The following PAK5 variants were observed in gnomAD, a reference collection of about 807,000 sequenced individuals.
PAK5 encodes the protein serine/threonine-protein kinase PAK 5.
In PAK5, 16 loss-of-function variants were observed where a neutral mutation model predicts 65.9. The ratio of observed to expected loss-of-function variants is 0.24; its 90% CI spans 0.16 to 0.37. The LOEUF is 0.37. PAK5 is among the 10% of genes least tolerant of loss of function. The pLI, the probability that PAK5 is intolerant of heterozygous loss-of-function variation, is 1.00. For missense variants in PAK5, 785 were observed against 903.9 expected (o/e 0.87, Z 1.69); for synonymous variants, 371 against 354.9 (o/e 1.05, Z -0.51).
chr20:9,786,467 C>T (rs936635589), intron 1 of PAK5, among the ~76,000 whole-genome samples: 2 of 152,014 alleles, frequency 1.3e-5, no homozygotes, highest in East Asian at 3.9e-4. Context: ...CAAACACTTT[C>T]CCCTTTCTCA....
intron 1 of PAK5, among the ~76,000 whole-genome samples, chr20:9,784,862 C>A (rs543550987): frequency 6.6e-6 from 1 of 151,942 alleles, no homozygotes; most frequent in African/African-American, 2.4e-5. Flanking sequence ...CGCAGTCTGC[C>A]TTACCTAAGC....
At chr20:9,618,951 A>G (rs892040132) in intron 3 of PAK5, among the ~76,000 whole-genome samples, 6 of 28,452 alleles carry the variant, frequency 2.1e-4, no homozygotes, top group Non-Finnish European at 4.1e-4. Flanking sequence ...TTTTTTTTTA[A>G]TCTCACTGTT....
intron 3 of PAK5, among the ~76,000 whole-genome samples, chr20:9,615,886 A>G (rs576453459): frequency 3.8e-4 from 58 of 152,318 alleles, no homozygotes; most frequent in African/African-American, 1.3e-3. Context: ...GGAGCACCAC[A>G]TGAGGCCTCT....
chr20:9,565,595 G>C (rs188391922), intron 5 of PAK5, among the ~76,000 whole-genome samples: 44 of 152,292 alleles, frequency 2.9e-4, no homozygotes, highest in African/African-American at 9.4e-4. Flanking sequence ...CTCTTAACCT[G>C]AGTCCAGGTT....
chr20:9,618,915 GTTTTTTTTTTTTTTTTTTT>G (rs150725498), intron 3 of PAK5, among the ~76,000 whole-genome samples: 16 of 18,840 alleles, frequency 8.5e-4, no homozygotes, highest in East Asian at 2.2e-3. Context: ...TCTTTCTTTC[GTTTTTTTTTTTTTTTTTTT>G]TTTTTTTTTT....
At chr20:9,767,219 T>C (rs1486999019) in intron 1 of PAK5, among the ~76,000 whole-genome samples, 1 of 152,182 alleles carries the variant, frequency 6.6e-6, no homozygotes, top group African/African-American at 2.4e-5. Context: ...AGGCAGCCTT[T>C]GATATTGCAT....
chr20:9,705,658 A>C (rs867563124), intron 2 of PAK5, among the ~76,000 whole-genome samples: 1 of 152,124 alleles, frequency 6.6e-6, no homozygotes, highest in South Asian at 2.1e-4. Flanking sequence ...GGTTACCTAT[A>C]CATCTTATAT....
chr20:9,640,481 T>C (rs1350235834), intron 3 of PAK5, among the ~76,000 whole-genome samples: 1 of 152,276 alleles, frequency 6.6e-6, no homozygotes, highest in Non-Finnish European at 1.5e-5. Context: ...TTTGGGTTGG[T>C]TTCAAGTCTT....
At chr20:9,548,626 GCAAA>G (rs2122913132) in intron 7 of PAK5, among the ~76,000 whole-genome samples, 1 of 152,204 alleles carries the variant, frequency 6.6e-6, no homozygotes, top group East Asian at 1.9e-4. Flanking sequence ...TAAGAGTTGG[GCAAA>G]CAAACAGCAG....
chr20:9,655,844 G>C (rs1020287263), intron 2 of PAK5, among the ~76,000 whole-genome samples: 1 of 152,098 alleles, frequency 6.6e-6, no homozygotes, highest in Non-Finnish European at 1.5e-5. Context: ...GGTTTCTTCC[G>C]AGACTTCTCT....
At chr20:9,837,963 G>A (rs751780704) in intron 1 of PAK5, among the ~76,000 whole-genome samples, 8 of 152,098 alleles carry the variant, frequency 5.3e-5, no homozygotes, top group Non-Finnish European at 8.8e-5. Flanking sequence ...CGAGTTGAAA[G>A]CTCCATATAC....
At chr20:9,644,681 C>T (rs1382762875) in intron 2 of PAK5, among the ~76,000 whole-genome samples, 2 of 152,114 alleles carry the variant, frequency 1.3e-5, no homozygotes, top group East Asian at 3.9e-4. Context: ...TCCTTGTGCT[C>T]CTGTCACTTG....
At chr20:9,649,871 A>G (rs560369700) in intron 2 of PAK5, among the ~76,000 whole-genome samples, 1 of 152,296 alleles carries the variant, frequency 6.6e-6, no homozygotes, top group South Asian at 2.1e-4. Flanking sequence ...AAGGACTATT[A>G]TTATTTCTGC....
chr20:9,796,202 C>CA (rs903573132), intron 1 of PAK5, among the ~76,000 whole-genome samples: 12 of 151,740 alleles, frequency 7.9e-5, no homozygotes, highest in Non-Finnish European at 1.5e-4. Flanking sequence ...GACAGATAAG[C>CA]AAAAAAGCAA....
chr20:9,694,326 G>T lies in PAK5; in HGVS notation c.-12+16960C>A, dbSNP rs868224225. ...TGTTTGTGTGTGTGTGTGTTTGTGT[G>T]TGTGTGTGTGTGTGTGTGTATTTTA... On this transcript the variant is annotated intron_variant, in intron 2 of 9. Coordinates refer to ENST00000353224, the MANE Select transcript of PAK5 (RefSeq NM_177990.4). Among the ~76,000 whole-genome samples the T allele has an allele frequency of 1.6e-4, 22 of 138,684 alleles. No homozygotes were observed. In the East Asian group the frequency reaches 4.1e-3, roughly 26 times the overall value. 91.0% of individuals were successfully genotyped at this position (138,684 alleles called of 152,430 possible).
At chr20:9,554,287 A>G (rs991958978) in intron 7 of PAK5, among the ~76,000 whole-genome samples, 13 of 152,184 alleles carry the variant, frequency 8.5e-5, no homozygotes, top group Non-Finnish European at 1.5e-4. Context: ...TTTGATTCTG[A>G]GGCTAGGTTA....
At chr20:9,601,383 C>T (rs1474748296) in intron 3 of PAK5, among the ~76,000 whole-genome samples, 4 of 152,082 alleles carry the variant, frequency 2.6e-5, no homozygotes, top group Admixed American at 2.6e-4. Context: ...AGGGTTGGTT[C>T]TATAACAAGA....
chr20:9,686,934 T>C (rs1188691202), intron 2 of PAK5, among the ~76,000 whole-genome samples: 1 of 152,210 alleles, frequency 6.6e-6, no homozygotes, highest in Non-Finnish European at 1.5e-5. Context: ...AAGGGTGAGC[T>C]GGTGAGCCAG....
chr20:9,552,558 C>G (rs1209808014), intron 7 of PAK5, among the ~76,000 whole-genome samples: 4 of 152,140 alleles, frequency 2.6e-5, no homozygotes, highest in Middle Eastern at 3.2e-3. Flanking sequence ...AAATTAGTGA[C>G]TCGTTAGATA....
Sources: gnomAD v4.1 joint callset for allele counts (sites outside exome capture counted in the v4.1 genomes callset) on GRCh38, gnomAD v4.1.1 for gene constraint, MANE v1.5 for transcripts, NCBI Gene and HGNC (gene_info 2026-07-23, HGNC 2026-07-21) for gene names.